TUSC3: variants seen among roughly 807,000 people sequenced by gnomAD.
The protein encoded by TUSC3 is tumor suppressor candidate 3, also known as dolichyl-diphosphooligosaccharide--protein glycosyltransferase subunit TUSC3.
TUSC3 carries 45 observed loss-of-function variants against 44.8 expected under a neutral mutation model. The observed-to-expected ratio is 1.00, with a 90% CI of 0.79 to 1.29. The LOEUF is 1.29. TUSC3 is among the 50% of genes most tolerant of loss of function. TUSC3 has a pLI of 0.00. For synonymous variants in TUSC3, 212 were observed against 152.9 expected, an observed-to-expected ratio of 1.39 and a Z score of -2.85; for missense variants, 519 against 437.9, an observed-to-expected ratio of 1.19 and a Z score of -1.65.
intron 2 of TUSC3, among the ~76,000 whole-genome samples, chr8:15,504,814 A>G (rs1801032288): frequency 6.7e-6 from 1 of 150,240 alleles, no homozygotes; most frequent in East Asian, 2.0e-4. Context: ...CACCATGCCC[A>G]GCTAATTTTT....
chr8:15,650,188 A>G (rs1201612369), intron 2 of TUSC3, among the ~76,000 whole-genome samples: 1 of 152,226 alleles, frequency 6.6e-6, no homozygotes, highest in Non-Finnish European at 1.5e-5. Flanking sequence ...TGGAATGAAT[A>G]AGGTGGAGTA....
chr8:15,739,214 T>C (rs779671460), intron 7 of TUSC3, among the ~76,000 whole-genome samples: 4 of 152,176 alleles, frequency 2.6e-5, no homozygotes, highest in Non-Finnish European at 5.9e-5. Flanking sequence ...TATGTTATAG[T>C]TGGACATTTA....
intron 1 of TUSC3, among the ~76,000 whole-genome samples, chr8:15,465,875 G>C (rs533695674): frequency 4.5e-4 from 69 of 152,208 alleles, no homozygotes; most frequent in African/African-American, 1.6e-3. Context: ...AAGTCAACAG[G>C]CATTTCCTCA....
intron 2 of TUSC3, among the ~76,000 whole-genome samples, chr8:15,628,530 T>G (rs1334357215): frequency 6.6e-6 from 1 of 152,144 alleles, no homozygotes; most frequent in East Asian, 1.9e-4. Context: ...CTTGGAAAAT[T>G]TAATGGGTCA....
the TUSC3 span, among the ~76,000 whole-genome samples, chr8:15,795,897 C>A: frequency 6.6e-6 from 1 of 152,202 alleles, no homozygotes; most frequent in Admixed American, 6.5e-5. Flanking sequence ...GTCTACCCCC[C>A]AGAATGCCAC....
chr8:15,501,379 G>A (rs146091608), intron 2 of TUSC3, among the ~76,000 whole-genome samples: 163 of 152,120 alleles, frequency 1.1e-3, no homozygotes, highest in Admixed American at 2.4e-3. Context: ...TGGTACTTTC[G>A]CTATACTTCA....
the TUSC3 span, among the ~76,000 whole-genome samples, chr8:15,801,662 A>C: frequency 3.0e-3 from 459 of 152,190 alleles, 5 homozygotes; most frequent in African/African-American, 0.01. Context: ...ATAAGGATGA[A>C]AGCACCATGA....
At chr8:15,803,351 A>G in the TUSC3 span, among the ~76,000 whole-genome samples, 1 of 152,218 alleles carries the variant, frequency 6.6e-6, no homozygotes, top group Non-Finnish European at 1.5e-5. Context: ...ACAGATAAGC[A>G]TACATATGAT....
intron 6 of TUSC3, among the ~76,000 whole-genome samples, chr8:15,719,377 C>G (rs1810202028): frequency 6.6e-6 from 1 of 151,880 alleles, no homozygotes; most frequent in South Asian, 2.1e-4. Flanking sequence ...TGGTGTTTAT[C>G]CTGACCTTCT....
intron 2 of TUSC3, among the ~76,000 whole-genome samples, chr8:15,632,167 T>A (rs1319418737): frequency 1.3e-5 from 2 of 152,240 alleles, no homozygotes; most frequent in Admixed American, 1.3e-4. Flanking sequence ...TGAGATCCAT[T>A]TGAGGTTCAT....
chr8:15,714,920 C>G (rs577681685), intron 6 of TUSC3, among the ~76,000 whole-genome samples: 1 of 152,140 alleles, frequency 6.6e-6, no homozygotes, highest in East Asian at 1.9e-4. Context: ...CTTTATAACT[C>G]TTTATAATTT....
intron 7 of TUSC3, among the ~76,000 whole-genome samples, chr8:15,737,257 T>G (rs963619249): frequency 1.3e-5 from 2 of 152,104 alleles, no homozygotes; most frequent in Non-Finnish European, 2.9e-5. Context: ...TGTGCTAACA[T>G]TTTTTTCAAC....
At chr8:15,597,538 A>AT (rs1047754336) in intron 1 of TUSC3, among the ~76,000 whole-genome samples, 3 of 152,202 alleles carry the variant, frequency 2.0e-5, no homozygotes, top group East Asian at 3.9e-4. Flanking sequence ...TTTGCAAATC[A>AT]TTTTTTAAGA....
In TUSC3 at chr8:15,573,158, TTCTCTCTCTTTCTC is replaced by T. The variant is rs1286179605; in HGVS notation, c.138+32600_138+32613del. ...GCTTAACTATTGCTTCAGTATAGTG[TTCTCTCTCTTTCTC>T]TCTCTCTCTCTCTCTCTCTCTCTCT... On this transcript the variant is annotated intron_variant, in intron 1 of 10. Transcript: ENST00000503731. Among the ~76,000 whole-genome samples the T allele has an allele frequency of 2.7e-5, 3 of 110,760 alleles. No individual in the cohort carries two copies. The Admixed American group carries it at 2.8e-4, about 10-fold the overall frequency. 72.7% of individuals were successfully genotyped at this position (110,760 alleles called of 152,430 possible). A position where few individuals can be genotyped will look rare whatever the true frequency, so the allele number is the denominator to read the frequency against.
chr8:15,498,224 A>T (rs570120922), intron 2 of TUSC3, among the ~76,000 whole-genome samples: 1 of 152,184 alleles, frequency 6.6e-6, no homozygotes, highest in Non-Finnish European at 1.5e-5. Flanking sequence ...TAACCTTAAG[A>T]TTGTACCTTC....
intron 2 of TUSC3, among the ~76,000 whole-genome samples, chr8:15,495,332 C>G (rs1178119211): frequency 6.6e-6 from 1 of 152,180 alleles, no homozygotes; most frequent in Non-Finnish European, 1.5e-5. Context: ...TAGATCACAC[C>G]TGACAAAGAA....
chr8:15,677,161 GC>G (rs1808228306), intron 6 of TUSC3, among the ~76,000 whole-genome samples: 1 of 152,110 alleles, frequency 6.6e-6, no homozygotes, highest in Admixed American at 6.6e-5. Flanking sequence ...CGGACACTGT[GC>G]CTGGCCTTTG....
chr8:15,446,792 A>G (rs1162344677), intron 1 of TUSC3, among the ~76,000 whole-genome samples: 1 of 151,410 alleles, frequency 6.6e-6, no homozygotes, highest in African/African-American at 2.4e-5. Flanking sequence ...CTTTAAGAAT[A>G]ATTTACAGAT....
the TUSC3 span, among the ~76,000 whole-genome samples, chr8:15,797,194 A>G: frequency 6.6e-6 from 1 of 152,234 alleles, no homozygotes. Flanking sequence ...AGCGTATTTC[A>G]GTTCGCTGAA....
Sources: gnomAD v4.1 joint callset for allele counts (sites outside exome capture counted in the v4.1 genomes callset) on GRCh38, gnomAD v4.1.1 for gene constraint, MANE v1.5 for transcripts, NCBI Gene and HGNC (gene_info 2026-07-23, HGNC 2026-07-21) for gene names.